Variants in BOP1 observed in about 807,000 individuals in gnomAD.
BOP1 encodes the protein BOP1 ribosomal biogenesis factor.
BOP1 carries 54 observed loss-of-function variants against 82.9 expected under a neutral mutation model. The observed-to-expected ratio is 0.65, with a 90% CI of 0.52 to 0.82. The LOEUF (loss-of-function observed/expected upper bound fraction) is 0.82, where lower values mean the gene tolerates loss of function less well. Ranked by LOEUF, BOP1 falls within the 40% of genes least tolerant of loss-of-function variation. The pLI, the probability that BOP1 is intolerant of heterozygous loss-of-function variation, is 0.00. For synonymous variants in BOP1, 566 were observed against 451.1 expected (o/e 1.25, Z -3.23); for missense variants, 1,170 against 1,072.0 (o/e 1.09, Z -1.28).
intron 2 of BOP1, among the ~76,000 whole-genome samples, chr8:144,288,385 G>A (rs568703016): frequency 2.6e-4 from 40 of 151,580 alleles, no homozygotes; most frequent in African/African-American, 7.5e-4. Context: ...AAAATTAGCC[G>A]GGCGTGATGG....
chr8:144,265,094 C>A (rs907585063), intron 3 of BOP1, 23 bp from the exon 4 acceptor site: 1 of 1,600,268 alleles, frequency 6.2e-7, no homozygotes, highest in African/African-American at 1.3e-5. Context: ...GCCACCATGT[C>A]GGCATCTGAT....
At chr8:144,269,244 GAGA>G (rs1409531414) in intron 3 of BOP1, among the ~76,000 whole-genome samples, 2 of 152,260 alleles carry the variant, frequency 1.3e-5, no homozygotes, top group African/African-American at 4.8e-5. Context: ...TGGGCACAGA[GAGA>G]AGAAGGGCGG....
At chr8:144,274,327 A>C (rs1845537816) in intron 3 of BOP1, among the ~76,000 whole-genome samples, 1 of 151,922 alleles carries the variant, frequency 6.6e-6, no homozygotes, top group East Asian at 1.9e-4. Flanking sequence ...TGCCACGGCC[A>C]CCTCCAAGGA....
At chr8:144,274,032 G>A (rs1042164091) in intron 3 of BOP1, among the ~76,000 whole-genome samples, 1 of 152,204 alleles carries the variant, frequency 6.6e-6, no homozygotes, top group African/African-American at 2.4e-5. Flanking sequence ...TCCAGACCCA[G>A]GAAGGGCAGG....
At chr8:144,280,950 G>A (rs2130251098) in intron 2 of BOP1, among the ~76,000 whole-genome samples, 1 of 150,476 alleles carries the variant, frequency 6.6e-6, no homozygotes, top group Non-Finnish European at 1.5e-5. Flanking sequence ...TTTAATACCA[G>A]GTCTTTGGCC....
chr8:144,268,145 G>A, intron 3 of BOP1: 1 of 1,551,264 alleles, frequency 6.4e-7, no homozygotes, highest in Non-Finnish European at 8.7e-7. Context: ...GCAGTTAGGA[G>A]GTGGCCGGCA....
intron 2 of BOP1, among the ~76,000 whole-genome samples, chr8:144,282,620 G>C (rs1845702526): frequency 6.6e-6 from 1 of 152,044 alleles, no homozygotes; most frequent in Admixed American, 6.5e-5. Context: ...CAACAGCTGT[G>C]GGCCCTGCCG....
chr8:144,269,892 G>A (rs1161994565), intron 3 of BOP1, among the ~76,000 whole-genome samples: 1 of 152,196 alleles, frequency 6.6e-6, no homozygotes, highest in African/African-American at 2.4e-5. Context: ...GCATGGCCAG[G>A]CCGGGCACTC....
At chr8:144,285,706 C>T (rs1349396218) in intron 2 of BOP1, among the ~76,000 whole-genome samples, 3 of 152,236 alleles carry the variant, frequency 2.0e-5, no homozygotes, top group South Asian at 2.1e-4. Flanking sequence ...AGCCGCTCAA[C>T]GGAAGGGTTC....
At position 144,285,989 on chromosome 8, in the gene BOP1, C is replaced by T. The variant is rs576327283; in HGVS notation, c.309+3106G>A. Among the ~76,000 whole-genome samples the T allele has an allele frequency of 2.0e-5, 3 of 152,332 alleles. No homozygotes were observed. The East Asian group carries it at 5.8e-4, about 29-fold the overall frequency. ...CTCACGTGGCCACGCTCATGGAAGC[C>T]AAGAGAACATGCAGGAGGCAGCACT... On this transcript the variant is annotated intron_variant, in intron 2 of 15. Coordinates refer to ENST00000569669, the MANE Select transcript of BOP1 (RefSeq NM_015201.5).
rs928497498 is a variant in BOP1 at position 144,267,881 on chromosome 8, G to A, written c.391-2810C>T. ...TCCCCATTTCCTCTCCAGACAGCACGCGCGAGCTCCTGGGGCCTGAACATC... is the reference window on the plus strand; with the variant it reads ...TCCCCATTTCCTCTCCAGACAGCACACGCGAGCTCCTGGGGCCTGAACATC... On this transcript the variant is annotated intron_variant, in intron 3 of 15. Transcript: ENST00000569669. Among the ~76,000 whole-genome samples, 74 of 152,344 alleles carry A rather than the reference G, an allele frequency of 4.9e-4. 1 individual carries two copies. The highest frequency in any genetic ancestry group is 2.0e-4 in the Admixed American group (3 of 15,306).
At chr8:144,280,999 C>G (rs994748322) in intron 2 of BOP1, among the ~76,000 whole-genome samples, 13 of 149,608 alleles carry the variant, frequency 8.7e-5, no homozygotes, top group South Asian at 4.3e-4. Context: ...CCTTCTCTCA[C>G]TTTCATACCA....
At chr8:144,267,779 T>C (rs1845412397) in intron 3 of BOP1, among the ~76,000 whole-genome samples, 1 of 152,172 alleles carries the variant, frequency 6.6e-6, no homozygotes, top group Admixed American at 6.5e-5. Flanking sequence ...CCAGCTGTGA[T>C]TTACAGCTCC....
chr8:144,262,505 T>TGG lies in BOP1; in HGVS notation c.1980-4_1980-3dup. On this transcript the variant is annotated splice_polypyrimidine_tract_variant and splice_region_variant and intron_variant, in intron 14 of 15. Transcript: ENST00000569669. Reference sequence around the variant, plus strand: ...GCCCGCAGAGCCTTCTTGTGGTGTCTGGGGGGAGGGAACCAGGTTGAAGGC... The same window carrying TGG: ...GCCCGCAGAGCCTTCTTGTGGTGTCTGGGGGGGGAGGGAACCAGGTTGAAGGC... 1 of 1,612,694 alleles carries TGG rather than the reference T, an allele frequency of 6.2e-7. No homozygotes were observed. The highest frequency in any genetic ancestry group is 8.5e-7 in the Non-Finnish European group (1 of 1,179,724).
At chr8:144,267,071 C>G (rs1167955339) in intron 3 of BOP1, 2 of 1,411,220 alleles carry the variant, frequency 1.4e-6, no homozygotes, top group African/African-American at 3.0e-5. Flanking sequence ...TTCCACGCGG[C>G]GCGCGCCGGC....
At position 144,262,648 on chromosome 8, in the gene BOP1, T is replaced by C; in HGVS notation, c.1919A>G (p.Tyr640Cys). 1 of 1,613,340 alleles carries C rather than the reference T, an allele frequency of 6.2e-7. No individual in the cohort carries two copies. Among genetic ancestry groups the C allele is most frequent in the South Asian group, 1.1e-5 (1 of 91,076 alleles). ...GTCAAACCACACCAGCTTGCTATCG[T>C]AGCTCCCACAGATGACGTTGTCACC... ...PAGDNVICGS[Y>C]DSKLVWFDLD... is the part of the protein sequence containing the mutation. The change falls in exon 14 of 16, where the codon TAC (tyrosine) becomes TGC (cysteine). Residue 640 changes from tyrosine to cysteine, a missense_variant. Physicochemically the swap from Tyr to Cys is radical, Grantham distance 194. Transcript: ENST00000569669.
chr8:144,283,453 G>A (rs995419451), intron 2 of BOP1, among the ~76,000 whole-genome samples: 7 of 152,084 alleles, frequency 4.6e-5, no homozygotes, highest in African/African-American at 7.2e-5. Context: ...CTGGGACCAC[G>A]GGCACGCACC....
chr8:144,268,271 C>G (rs1845427090), intron 3 of BOP1: 1 of 1,391,862 alleles, frequency 7.2e-7, no homozygotes, highest in South Asian at 1.3e-5. Flanking sequence ...CAGGCCAGCC[C>G]TGGCTGCGAG....
Position 144,264,352 on chromosome 8 carries a change from C to T in BOP1, c.851G>A (p.Trp284Ter). 1 of 1,607,094 alleles carries T rather than the reference C, an allele frequency of 6.2e-7. No individual in the cohort carries two copies. The highest frequency in any genetic ancestry group is 8.5e-7 in the Non-Finnish European group (1 of 1,179,674). ...RDPTPSFYDL[W>*]AQEDPNAVLG... Reference sequence around the variant, plus strand: ...CACGGCGTTGGGGTCCTCCTGGGCCCACAGGTCATAGAAGCTGGGGGTGGG... The same window carrying T: ...CACGGCGTTGGGGTCCTCCTGGGCCTACAGGTCATAGAAGCTGGGGGTGGG... The change falls in exon 7 of 16, where the codon TGG becomes TAG. Residue 284 changes from tryptophan (W) to a stop codon, truncating the protein, a stop_gained. Coordinates refer to ENST00000569669, the MANE Select transcript of BOP1 (RefSeq NM_015201.5). LOFTEE classifies it high-confidence loss of function.
Sources: allele counts gnomAD v4.1 joint callset (sites outside exome capture counted in the v4.1 genomes callset), GRCh38; gene constraint gnomAD v4.1.1; transcripts MANE v1.5; gene names NCBI Gene and HGNC (gene_info 2026-07-23, HGNC 2026-07-21).